The following TIAM1 variants were observed in gnomAD, a reference collection of about 807,000 sequenced individuals.
The protein encoded by TIAM1 is rho guanine nucleotide exchange factor TIAM1.
A neutral mutation model predicts 163.5 loss-of-function variants in TIAM1; 65 were observed. The ratio of observed to expected loss-of-function variants is 0.40; its 90% CI spans 0.33 to 0.49. The LOEUF is 0.49. Among genes scored for constraint, TIAM1 ranks in the 20% least tolerant of loss-of-function variants. The pLI is 0.77. For missense variants in TIAM1, 1,789 were observed against 2,044.7 expected (o/e 0.87, Z 2.41); for synonymous variants, 833 against 810.1 (o/e 1.03, Z -0.48).
At chr21:31,547,764 T>G (rs1448892886) in intron 1 of TIAM1, among the ~76,000 whole-genome samples, 1 of 152,208 alleles carries the variant, frequency 6.6e-6, no homozygotes, top group Non-Finnish European at 1.5e-5. Context: ...CTGAAAATAT[T>G]TTCAATGCTC....
chr21:31,468,572 GGA>G (rs1481465569), intron 1 of TIAM1, among the ~76,000 whole-genome samples: 1 of 151,758 alleles, frequency 6.6e-6, no homozygotes, highest in Non-Finnish European at 1.5e-5. Context: ...GTCAGGAGGT[GGA>G]GACCATCCTA....
At chr21:31,287,538 G>A (rs977949828) in intron 2 of TIAM1, among the ~76,000 whole-genome samples, 1 of 152,168 alleles carries the variant, frequency 6.6e-6, no homozygotes, top group African/African-American at 2.4e-5. Context: ...GTTGAACCTG[G>A]TCCTGACAGG....
rs141282925 is a variant in TIAM1 at position 31,478,069 on chromosome 21, T to C, written c.-421-14034A>G. ...TTAGGAAAGAATTGGGAAAAAATTATGAGGTGAAGGGAGAACTCGCAGTGA... is the reference window on the plus strand; with the variant it reads ...TTAGGAAAGAATTGGGAAAAAATTACGAGGTGAAGGGAGAACTCGCAGTGA... On this transcript the variant is annotated intron_variant, in intron 1 of 28. Coordinates refer to the TIAM1 transcript ENST00000286827. 2.6e-3 allele frequency among the ~76,000 whole-genome samples: 401 copies of C among 152,346 alleles called. 6 individuals carry two copies. The highest frequency in any genetic ancestry group is 8.6e-3 in the African/African-American group (356 of 41,586).
intron 10 of TIAM1, among the ~76,000 whole-genome samples, chr21:31,210,592 A>AGAAAG (rs2086698455): frequency 1.1e-5 from 1 of 88,694 alleles, no homozygotes; most frequent in South Asian, 3.8e-4. Context: ...GAAAGAAAGA[A>AGAAAG]AGAGAGAAAG....
chr21:31,147,404 G>A (rs73349703), intron 19 of TIAM1, among the ~76,000 whole-genome samples: 204 of 151,982 alleles, frequency 1.3e-3, no homozygotes, highest in African/African-American at 4.5e-3. Flanking sequence ...TCCCGCCCCC[G>A]AAGCAGAAAA....
chr21:31,221,987 A>T (rs1367038482), intron 8 of TIAM1, among the ~76,000 whole-genome samples: 1 of 152,218 alleles, frequency 6.6e-6, no homozygotes. Flanking sequence ...TAATAGCTGT[A>T]TGGAGAGGTG....
At chr21:31,515,095 T>C (rs1328149189) in intron 1 of TIAM1, among the ~76,000 whole-genome samples, 1 of 152,206 alleles carries the variant, frequency 6.6e-6, no homozygotes, top group Non-Finnish European at 1.5e-5. Flanking sequence ...AAACCCAAGT[T>C]TGGCCCTGGA....
chr21:31,268,718 T>TA (rs2072910582), intron 3 of TIAM1, among the ~76,000 whole-genome samples: 1 of 152,190 alleles, frequency 6.6e-6, no homozygotes, highest in African/African-American at 2.4e-5. Context: ...AGAAAAAAGA[T>TA]AAAAACGAAA....
intron 2 of TIAM1, among the ~76,000 whole-genome samples, chr21:31,394,591 C>T (rs1418552231): frequency 2.6e-5 from 4 of 151,732 alleles, no homozygotes; most frequent in Non-Finnish European, 5.9e-5. Context: ...GAGAGGTGGG[C>T]CAGGAGTGAG....
At chr21:31,470,177 A>T (rs1325616569) in intron 1 of TIAM1, among the ~76,000 whole-genome samples, 4 of 148,372 alleles carry the variant, frequency 2.7e-5, no homozygotes, top group Non-Finnish European at 4.5e-5. Context: ...GCCAATTTTT[A>T]TATTTTTGGT....
intron 4 of TIAM1, among the ~76,000 whole-genome samples, chr21:31,259,250 C>T (rs1372943986): frequency 3.3e-5 from 5 of 151,922 alleles, no homozygotes; most frequent in African/African-American, 1.2e-4. Context: ...ATCCTCTCAC[C>T]TCAGCCCACT....
chr21:31,474,706 C>T (rs1281893356), intron 1 of TIAM1, among the ~76,000 whole-genome samples: 4 of 151,884 alleles, frequency 2.6e-5, no homozygotes, highest in African/African-American at 4.8e-5. Flanking sequence ...CCACCATGCC[C>T]GGCTAATTTT....
intron 2 of TIAM1, among the ~76,000 whole-genome samples, chr21:31,315,059 T>C (rs2075059285): frequency 6.6e-6 from 1 of 152,190 alleles, no homozygotes; most frequent in Non-Finnish European, 1.5e-5. Flanking sequence ...AACCACATTT[T>C]GGTTAAATAT....
intron 2 of TIAM1, among the ~76,000 whole-genome samples, chr21:31,282,515 G>A: frequency 6.6e-6 from 1 of 152,208 alleles, no homozygotes; most frequent in East Asian, 1.9e-4. Flanking sequence ...GCTCACAGCT[G>A]ATTGTAGCTG....
chr21:31,341,976 C>T (rs1238404870), intron 1 of TIAM1, among the ~76,000 whole-genome samples: 3 of 151,876 alleles, frequency 2.0e-5, no homozygotes, highest in East Asian at 1.9e-4. Context: ...ACAAATAACG[C>T]CATGAATGAA....
chr21:31,358,664 A>G (rs1444753578), intron 2 of TIAM1, among the ~76,000 whole-genome samples: 1 of 152,014 alleles, frequency 6.6e-6, no homozygotes, highest in Non-Finnish European at 1.5e-5. Flanking sequence ...CTCTCCAAAT[A>G]TGTGCCAATC....
chr21:31,138,811 T>C (rs191452890), intron 22 of TIAM1, among the ~76,000 whole-genome samples: 12 of 152,216 alleles, frequency 7.9e-5, no homozygotes, highest in African/African-American at 2.2e-4. Flanking sequence ...CTTGGAGTAA[T>C]TGATTCCCAC....
At chr21:31,534,249 T>C (rs1336922501) in intron 1 of TIAM1, among the ~76,000 whole-genome samples, 1 of 152,256 alleles carries the variant, frequency 6.6e-6, no homozygotes, top group East Asian at 1.9e-4. Flanking sequence ...TTGTCTTCTA[T>C]GGATCTCCAT....
chr21:31,202,850 C>T, intron 12 of TIAM1, 58 bp downstream of exon 12: 2 of 1,481,312 alleles, frequency 1.4e-6, no homozygotes, highest in Non-Finnish European at 1.9e-6. Context: ...CACGAGAACA[C>T]TCATAATTTG....
Sources: allele counts gnomAD v4.1 joint callset (sites outside exome capture counted in the v4.1 genomes callset), GRCh38; gene constraint gnomAD v4.1.1; transcripts MANE v1.5; gene names NCBI Gene and HGNC (gene_info 2026-07-23, HGNC 2026-07-21).